The following DLG2 variants were observed in gnomAD, a reference collection of about 807,000 sequenced individuals.
DLG2 encodes discs large MAGUK scaffold protein 2.
DLG2 carries 45 observed loss-of-function variants against 132.5 expected under a neutral mutation model. That is an observed-to-expected ratio of 0.34 (90% CI 0.27 to 0.44). The LOEUF is 0.44. Among genes scored for constraint, DLG2 ranks in the 20% least tolerant of loss-of-function variants. DLG2 has a pLI of 1.00. For synonymous variants in DLG2, 424 were observed against 419.6 expected (o/e 1.01, Z -0.13); for missense variants, 1,045 against 1,196.9 (o/e 0.87, Z 1.87).
At chr11:85,158,629 T>TA (rs567805862) in intron 4 of DLG2, among the ~76,000 whole-genome samples, 35 of 152,124 alleles carry the variant, frequency 2.3e-4, no homozygotes, top group Non-Finnish European at 3.8e-4. Context: ...GTCACTCAAC[T>TA]AAAAAAAATT....
intron 18 of DLG2, among the ~76,000 whole-genome samples, chr11:83,705,987 G>A (rs2083884233): frequency 6.6e-6 from 1 of 152,194 alleles, no homozygotes. Flanking sequence ...GGGAGGCCAA[G>A]GCTGGTGGAT....
intron 3 of DLG2, among the ~76,000 whole-genome samples, chr11:85,361,892 C>T (rs1357565471): frequency 4.6e-5 from 7 of 152,110 alleles, no homozygotes; most frequent in Non-Finnish European, 1.0e-4. Flanking sequence ...TTGCTTTGGA[C>T]AGTGTGGTCA....
chr11:84,384,556 G>C (rs1166663465), intron 7 of DLG2, among the ~76,000 whole-genome samples: 2 of 151,958 alleles, frequency 1.3e-5, no homozygotes, highest in Non-Finnish European at 2.9e-5. Context: ...CGTAACCTTT[G>C]AGGTCCCTTT....
intron 8 of DLG2, among the ~76,000 whole-genome samples, chr11:84,222,622 A>C (rs2154327888): frequency 6.6e-6 from 1 of 152,320 alleles, no homozygotes; most frequent in South Asian, 2.1e-4. Flanking sequence ...ACAGCTTGGA[A>C]GATGAGTAGC....
chr11:84,182,302 A>G (rs2096153907), intron 8 of DLG2, among the ~76,000 whole-genome samples: 1 of 152,082 alleles, frequency 6.6e-6, no homozygotes, highest in African/African-American at 2.4e-5. Flanking sequence ...AAGTATTTTG[A>G]ACTAAATGAA....
chr11:83,609,430 T>C (rs748137740), intron 19 of DLG2, among the ~76,000 whole-genome samples: 10 of 152,212 alleles, frequency 6.6e-5, no homozygotes, highest in Non-Finnish European at 1.0e-4. Flanking sequence ...CTAGGGCAGA[T>C]GGAGGAGCCC....
At chr11:84,268,402 T>G (rs531558742) in intron 7 of DLG2, among the ~76,000 whole-genome samples, 3 of 151,954 alleles carry the variant, frequency 2.0e-5, no homozygotes, top group Non-Finnish European at 2.9e-5. Flanking sequence ...GAACACTGAG[T>G]TCAAGGACCA....
intron 6 of DLG2, among the ~76,000 whole-genome samples, chr11:84,536,846 C>T (rs2099356663): frequency 1.3e-5 from 2 of 152,144 alleles, no homozygotes; most frequent in African/African-American, 4.8e-5. Flanking sequence ...CCCATACCCC[C>T]ACCAACACTG....
At chr11:84,906,478 T>C (rs2083935250) in intron 6 of DLG2, among the ~76,000 whole-genome samples, 1 of 151,708 alleles carries the variant, frequency 6.6e-6, no homozygotes, top group Admixed American at 6.6e-5. Flanking sequence ...GATGGATATA[T>C]TATCAAATAA....
intron 6 of DLG2, among the ~76,000 whole-genome samples, chr11:84,914,237 C>T (rs570768475): frequency 1.3e-5 from 2 of 152,184 alleles, no homozygotes; most frequent in South Asian, 4.1e-4. Flanking sequence ...CCAAAGTCTA[C>T]ACAGAAAGAA....
intron 6 of DLG2, among the ~76,000 whole-genome samples, chr11:84,672,410 T>G (rs112697828): frequency 2.1e-4 from 32 of 152,082 alleles, no homozygotes; most frequent in Non-Finnish European, 4.3e-4. Context: ...AGCGATCTGG[T>G]AGATAAATTT....
At chr11:84,914,088 G>A (rs181925393) in intron 6 of DLG2, among the ~76,000 whole-genome samples, 56 of 152,270 alleles carry the variant, frequency 3.7e-4, no homozygotes, top group African/African-American at 1.3e-3. Flanking sequence ...TTTTAAAGTT[G>A]TAAATCTAGT....
intron 3 of DLG2, among the ~76,000 whole-genome samples, chr11:85,345,603 C>T (rs1235422439): frequency 6.6e-6 from 1 of 152,102 alleles, no homozygotes; most frequent in Admixed American, 6.6e-5. Flanking sequence ...TATCCTTTCA[C>T]TGGGCCATGC....
At chr11:84,047,903 T>A in intron 11 of DLG2, among the ~76,000 whole-genome samples, 1 of 151,618 alleles carries the variant, frequency 6.6e-6, no homozygotes, top group Non-Finnish European at 1.5e-5. Context: ...GGAATTACAG[T>A]GGCAATATTT....
At chr11:85,138,554 G>T (rs567287262) in intron 5 of DLG2, among the ~76,000 whole-genome samples, 21 of 152,198 alleles carry the variant, frequency 1.4e-4, no homozygotes, top group African/African-American at 3.6e-4. Flanking sequence ...GATATGGTTT[G>T]GTTGTGTCCC....
chr11:85,330,793 A>AAAAAAAAAAAAAAAAAAAAAAAAAT (rs2081664281), intron 3 of DLG2, among the ~76,000 whole-genome samples: 1 of 20,698 alleles, frequency 4.8e-5, no homozygotes, highest in Non-Finnish European at 8.7e-5. Flanking sequence ...AAAAAAAATT[A>AAAAAAAAAAAAAAAAAAAAAAAAAT]AAAAAAAAAA....
intron 7 of DLG2, among the ~76,000 whole-genome samples, chr11:84,533,790 T>A (rs1359135452): frequency 6.6e-6 from 1 of 151,886 alleles, no homozygotes; most frequent in East Asian, 1.9e-4. Context: ...GTGCTTTTAT[T>A]TTTTCCATTT....
chr11:83,834,316 G>A (rs2055469386), intron 16 of DLG2, among the ~76,000 whole-genome samples: 1 of 152,218 alleles, frequency 6.6e-6, no homozygotes, highest in South Asian at 2.1e-4. Flanking sequence ...GGCTGACGGA[G>A]AGGAAAGCAC....
intron 3 of DLG2, among the ~76,000 whole-genome samples, chr11:85,300,632 G>C (rs1344768215): frequency 6.6e-6 from 1 of 152,158 alleles, no homozygotes; most frequent in East Asian, 1.9e-4. Flanking sequence ...ATGTTGTCCA[G>C]AAGCAAAATT....
Sources: allele counts gnomAD v4.1 joint callset (sites outside exome capture counted in the v4.1 genomes callset), GRCh38; gene constraint gnomAD v4.1.1; transcripts MANE v1.5; gene names NCBI Gene and HGNC (gene_info 2026-07-23, HGNC 2026-07-21).